The following GRID1 variants were observed in gnomAD, a reference collection of about 807,000 sequenced individuals.
The protein encoded by GRID1 is glutamate ionotropic receptor delta type subunit 1, also known as glutamate receptor ionotropic, delta-1.
GRID1 carries 28 observed loss-of-function variants against 98.0 expected under a neutral mutation model. The observed-to-expected ratio is 0.29, with a 90% CI of 0.21 to 0.39. The LOEUF is 0.39. Among genes scored for constraint, GRID1 ranks in the 10% least tolerant of loss-of-function variants. The pLI, the probability that GRID1 is intolerant of heterozygous loss-of-function variation, is 1.00. For synonymous variants in GRID1, 553 were observed against 538.5 expected, an observed-to-expected ratio of 1.03 and a Z score of -0.37; for missense variants, 1,111 against 1,340.5, an observed-to-expected ratio of 0.83 and a Z score of 2.67.
At chr10:86,094,992 A>G (rs906435657) in intron 4 of GRID1, among the ~76,000 whole-genome samples, 3 of 152,352 alleles carry the variant, frequency 2.0e-5, no homozygotes, top group Admixed American at 6.5e-5. Context: ...TGATATAAAA[A>G]TAGGCACATA....
intron 3 of GRID1, among the ~76,000 whole-genome samples, chr10:86,146,242 T>C (rs1209929525): frequency 6.6e-6 from 1 of 152,208 alleles, no homozygotes; most frequent in Admixed American, 6.5e-5. Flanking sequence ...TTTGGATTAT[T>C]GGCAAATTTT....
intron 2 of GRID1, among the ~76,000 whole-genome samples, chr10:86,262,428 G>A (rs1166032848): frequency 1.3e-5 from 2 of 152,154 alleles, no homozygotes; most frequent in South Asian, 2.1e-4. Flanking sequence ...CCTTCAGTTC[G>A]GCCCCCTGGT....
intron 4 of GRID1, among the ~76,000 whole-genome samples, chr10:86,111,904 C>T (rs146083624): frequency 3.2e-4 from 49 of 152,334 alleles, no homozygotes; most frequent in African/African-American, 1.0e-3. Context: ...TCTGGGAATA[C>T]TACAGACGTT....
At chr10:86,126,177 C>T (rs555120510) in intron 4 of GRID1, among the ~76,000 whole-genome samples, 5 of 152,308 alleles carry the variant, frequency 3.3e-5, no homozygotes, top group South Asian at 4.1e-4. Flanking sequence ...GGAACTCGGC[C>T]GGGCGTGGTG....
intron 5 of GRID1, among the ~76,000 whole-genome samples, chr10:85,876,756 G>A (rs1843336343): frequency 6.6e-6 from 1 of 152,216 alleles, no homozygotes; most frequent in African/African-American, 2.4e-5. Flanking sequence ...GACAGTGGGT[G>A]CAGGACAGTG....
chr10:86,186,436 A>T (rs1192131482), intron 3 of GRID1, among the ~76,000 whole-genome samples: 3 of 152,038 alleles, frequency 2.0e-5, no homozygotes, highest in Non-Finnish European at 4.4e-5. Context: ...ATCTTCATTT[A>T]TTCTTTCTTT....
At chr10:85,885,585 A>G (rs1381319989) in intron 5 of GRID1, among the ~76,000 whole-genome samples, 1 of 152,232 alleles carries the variant, frequency 6.6e-6, no homozygotes, top group Admixed American at 6.5e-5. Context: ...TAATTTGGAG[A>G]CACAAGAGTT....
At chr10:85,905,524 C>A (rs1362618224) in intron 5 of GRID1, among the ~76,000 whole-genome samples, 1 of 152,038 alleles carries the variant, frequency 6.6e-6, no homozygotes, top group Non-Finnish European at 1.5e-5. Context: ...TAAAAGATAA[C>A]TGACTGTTTT....
At chr10:86,236,374 A>G (rs1287955767) in intron 2 of GRID1, among the ~76,000 whole-genome samples, 2 of 152,236 alleles carry the variant, frequency 1.3e-5, no homozygotes, top group Admixed American at 1.3e-4. Context: ...GAAGTATGCC[A>G]TAACACTTTA....
intron 4 of GRID1, among the ~76,000 whole-genome samples, chr10:85,950,545 T>C (rs1192770824): frequency 6.6e-6 from 1 of 152,174 alleles, no homozygotes; most frequent in Non-Finnish European, 1.5e-5. Flanking sequence ...CAGACTGTGA[T>C]CAATGGTCTT....
At chr10:85,737,938 T>C (rs1211054072) in intron 8 of GRID1, among the ~76,000 whole-genome samples, 1 of 151,576 alleles carries the variant, frequency 6.6e-6, no homozygotes, top group Non-Finnish European at 1.5e-5. Context: ...CAGGTGGTAG[T>C]TATTAAAGTG....
At chr10:86,007,887 A>T (rs556807560) in intron 4 of GRID1, among the ~76,000 whole-genome samples, 1 of 151,408 alleles carries the variant, frequency 6.6e-6, no homozygotes, top group South Asian at 2.1e-4. Flanking sequence ...AGAAGGGGAG[A>T]GAGATTCAAG....
At chr10:85,752,716 G>T (rs1419564557) in intron 8 of GRID1, among the ~76,000 whole-genome samples, 1 of 151,962 alleles carries the variant, frequency 6.6e-6, no homozygotes, top group African/African-American at 2.4e-5. Flanking sequence ...TCATAATATG[G>T]CTGACAAGGA....
intron 8 of GRID1, among the ~76,000 whole-genome samples, chr10:85,851,543 C>G (rs529379749): frequency 1.3e-5 from 2 of 152,210 alleles, no homozygotes; most frequent in African/African-American, 4.8e-5. Context: ...TCTAAAATGT[C>G]TGGGTGACTC....
At chr10:85,806,594 T>C (rs1435753976) in intron 8 of GRID1, among the ~76,000 whole-genome samples, 1 of 150,342 alleles carries the variant, frequency 6.7e-6, no homozygotes, top group Admixed American at 6.6e-5. Context: ...ATTCATATAA[T>C]GAAATGCCAC....
chr10:86,230,329 G>A (rs2132035435), intron 2 of GRID1, among the ~76,000 whole-genome samples: 1 of 152,322 alleles, frequency 6.6e-6, no homozygotes, highest in East Asian at 1.9e-4. Context: ...CAGTTGCCTG[G>A]GGGAGTTTCT....
At chr10:85,865,955 GGAGAGAGAGAGAGAGAGAGAGAGAGA>G (rs11468652) in intron 6 of GRID1, among the ~76,000 whole-genome samples, 1 of 84,698 alleles carries the variant, frequency 1.2e-5, no homozygotes, top group Non-Finnish European at 2.2e-5. Flanking sequence ...ACATATATAT[GGAGAGAGAGAGAGAGAGAGAGAGAGA>G]GAGAGAGAGA....
At chr10:85,647,051 G>A in intron 13 of GRID1, 151 bp downstream of exon 13, 1 of 681,910 alleles carries the variant, frequency 1.5e-6, no homozygotes, top group Non-Finnish European at 2.6e-6. Context: ...CTTCTGAAAG[G>A]GCATCCACCT....
intron 4 of GRID1, among the ~76,000 whole-genome samples, chr10:85,922,984 T>C (rs1841726043): frequency 6.6e-6 from 1 of 152,042 alleles, no homozygotes; most frequent in Non-Finnish European, 1.5e-5. Context: ...TGGTCTTTGT[T>C]TCACCAGAAA....
Sources: allele counts gnomAD v4.1 joint callset (sites outside exome capture counted in the v4.1 genomes callset), GRCh38; gene constraint gnomAD v4.1.1; transcripts MANE v1.5; gene names NCBI Gene and HGNC (gene_info 2026-07-23, HGNC 2026-07-21).